The following PARP10 variants were observed in gnomAD, a reference collection of about 807,000 sequenced individuals.
The protein encoded by PARP10 is protein mono-ADP-ribosyltransferase PARP10.
PARP10 carries 56 observed loss-of-function variants against 82.4 expected under a neutral mutation model. The ratio of observed to expected loss-of-function variants is 0.68; its 90% confidence interval spans 0.55 to 0.85. The LOEUF (loss-of-function observed/expected upper bound fraction) is 0.85, where lower values mean the gene tolerates loss of function less well. Ranked by LOEUF, PARP10 falls within the 40% of genes least tolerant of loss-of-function variation. The pLI is 0.00. For missense variants in PARP10, 1,227 were observed against 1,379.4 expected (o/e 0.89, Z 1.75); for synonymous variants, 576 against 601.1 (o/e 0.96, Z 0.61).
intron 1 of PARP10, among the ~76,000 whole-genome samples, chr8:144,000,754 T>C (rs1834195861): frequency 6.6e-6 from 1 of 152,030 alleles, no homozygotes; most frequent in Non-Finnish European, 1.5e-5. Context: ...AGCAAAACAT[T>C]AGCAAATCAG....
chr8:143,998,069 A>G (rs1301984239), intron 1 of PARP10, among the ~76,000 whole-genome samples: 3 of 152,184 alleles, frequency 2.0e-5, no homozygotes, highest in African/African-American at 7.2e-5. Flanking sequence ...CTGGGATTAC[A>G]GATATGAGCC....
chr8:143,978,196 G>T, intron 9 of PARP10, 115 bp from the exon 10 acceptor site: 1 of 1,224,036 alleles, frequency 8.2e-7, no homozygotes, highest in Non-Finnish European at 1.1e-6. Context: ...CAGGGTTTGA[G>T]GGAGCCCTTG....
In PARP10 at chr8:143,984,666, T is replaced by C; in HGVS notation, c.1336A>G (p.Met446Val). ...KLAGQEGLVE[M>V]VLLMEPGAMR... Reference sequence around the variant, plus strand: ...GCCCCTGGCTCCATCAATAGCACCATCTCCACCAGGCCCTCCTGCCCTGCC... The same window carrying C: ...GCCCCTGGCTCCATCAATAGCACCACCTCCACCAGGCCCTCCTGCCCTGCC... The change falls in exon 5 of 11, where the codon ATG becomes GTG. Residue 446 changes from methionine (M) to valine (V), a missense_variant. Coordinates refer to ENST00000313028, the MANE Select transcript of PARP10 (RefSeq NM_032789.5). 1 of 1,613,920 alleles carries C rather than the reference T, an allele frequency of 6.2e-7. No individual in the cohort carries two copies. The highest frequency in any genetic ancestry group is 1.1e-5 in the South Asian group (1 of 91,086).
exon 1 of PARP10, chr8:144,012,731 G>C: frequency 6.4e-7 from 1 of 1,551,688 alleles, no homozygotes; most frequent in Non-Finnish European, 8.7e-7. Flanking sequence ...ACAATGGTAA[G>C]AGGCCTCGCT....
At chr8:143,987,610 G>C (rs537321431), upstream of PARP10, among the ~76,000 whole-genome samples, 1 of 152,168 alleles carries the variant, frequency 6.6e-6, no homozygotes, top group African/African-American at 2.4e-5. Context: ...AAAGTCCTGG[G>C]GGCCGGGCGC....
chr8:143,999,725 C>G (rs1554751558), intron 1 of PARP10, among the ~76,000 whole-genome samples: 5 of 151,384 alleles, frequency 3.3e-5, no homozygotes, highest in South Asian at 4.2e-4. Context: ...AGGTGTGAGT[C>G]ACTGCACTGG....
upstream of PARP10, chr8:143,989,503 G>GTAA (rs1377253023): frequency 6.6e-6 from 1 of 152,226 alleles, no homozygotes; most frequent in East Asian, 1.9e-4. This position sits in a 1 kb window ranked among gnomAD's most constrained non-coding sequence, Gnocchi z 4.3. Context: ...TGAGCTGATG[G>GTAA]ATACCCCATT....
chr8:143,992,485 A>C (rs1028443755), upstream of PARP10: 2 of 1,614,038 alleles, frequency 1.2e-6, no homozygotes, highest in African/African-American at 2.7e-5. Flanking sequence ...ACTTCACCTC[A>C]TGCATGGGCG....
chr8:143,981,015 G>A lies in PARP10; in HGVS notation c.2556+1917C>T, dbSNP rs72499138. 2.2e-4 allele frequency among the ~76,000 whole-genome samples: 33 copies of A among 150,938 alleles called. No homozygotes were observed. The East Asian group carries it at 5.8e-3, about 27-fold the overall frequency. ...GGCCCATTCTCCTCATCTTCCATGC[G>A]GGAAGGCAAGAAACAATCTCTAAAG... On this transcript the variant is annotated intron_variant, in intron 9 of 10. Coordinates refer to ENST00000313028, the MANE Select transcript of PARP10 (RefSeq NM_032789.5).
At chr8:143,979,249 A>G (rs1306601059) in intron 9 of PARP10, among the ~76,000 whole-genome samples, 1 of 152,186 alleles carries the variant, frequency 6.6e-6, no homozygotes, top group Admixed American at 6.5e-5. Context: ...CTGGGATTAC[A>G]GGCGTGAGCC....
At position 144,011,953 on chromosome 8, in the gene PARP10, A is replaced by T. The variant is rs1834288330; in HGVS notation, c.-80+577T>A. 6.6e-6 allele frequency among the ~76,000 whole-genome samples: 1 copy of T among 152,154 alleles called. No homozygotes were observed. The highest frequency in any genetic ancestry group is 2.1e-4 in the South Asian group (1 of 4,824). On this transcript the variant is annotated intron_variant, in intron 1 of 3. Coordinates refer to the PARP10 transcript ENST00000530478. The surrounding 1 kb of genome is among the most constrained non-coding windows in gnomAD (Gnocchi z 4.5). Reference sequence around the variant, plus strand: ...GAGGCCAAACCCAGGCATGTTCAAGATCACCAAGAAGGGGCATCCTGGCCA... The same window carrying T: ...GAGGCCAAACCCAGGCATGTTCAAGTTCACCAAGAAGGGGCATCCTGGCCA...
upstream of PARP10, among the ~76,000 whole-genome samples, chr8:143,987,896 A>AT (rs56733894): frequency 6.6e-6 from 1 of 151,374 alleles, no homozygotes; most frequent in Non-Finnish European, 1.5e-5. Context: ...GTCTAAAAAA[A>AT]AAACAAAAAC....
intron 1 of PARP10, among the ~76,000 whole-genome samples, chr8:144,001,368 A>G (rs575815824): frequency 1.1e-4 from 16 of 152,286 alleles, no homozygotes; most frequent in African/African-American, 3.8e-4. Context: ...TACAGGCGTG[A>G]GACACAGTGC....
chr8:143,986,602 G>A, upstream of PARP10: 1 of 631,450 alleles, frequency 1.6e-6, no homozygotes, highest in South Asian at 2.0e-5. Flanking sequence ...GACCCCTCAG[G>A]ACCCTCCAGC....
rs782449748 is a variant in PARP10, at chr8:143,978,000, G to C, written c.2638C>G (p.Pro880Ala). ...CCGTGGTACAGCACCTGCTCCACCG[G>C]GCGCCGCTCGCATCGCTGCAGCAGG... ...ERLLQRCERR[P>A]VEQVLYHGTT... is the part of the protein sequence containing the mutation. The change falls in exon 10 of 11, where the codon CCG becomes GCG. Residue 880 changes from proline (P) to alanine (A), a missense_variant. Pro to Ala is a conservative substitution (Grantham distance 27, BLOSUM62 -1). Transcript: ENST00000313028. 1 of 1,590,824 alleles carries C rather than the reference G, an allele frequency of 6.3e-7. No individual in the cohort carries two copies. Among genetic ancestry groups the C allele is most frequent in the Non-Finnish European group, 8.5e-7 (1 of 1,174,800 alleles).
rs141675199 is a variant in PARP10 at position 144,009,808 on chromosome 8, C to T, written c.-80+2722G>A. On this transcript the variant is annotated intron_variant, in intron 1 of 3. Coordinates refer to the PARP10 transcript ENST00000530478. ...CTGCCCTCGTTCTCGCCTTCATCCT[C>T]ACATCCAAGCCAACTCCAAGACCAG... Among the ~76,000 whole-genome samples the T allele has an allele frequency of 2.6e-3, 396 of 152,336 alleles. 5 individuals are homozygous for T. The highest frequency in any genetic ancestry group is 3.1e-3 in the Non-Finnish European group (213 of 68,032).
intron 9 of PARP10, 91 bp from the exon 10 acceptor site, chr8:143,978,172 CTGTTGGAG>C (rs1390415775): frequency 1.7e-5 from 23 of 1,383,294 alleles, no homozygotes; most frequent in Middle Eastern, 2.6e-4. Context: ...CAGGAGCCCT[CTGTTGGAG>C]GAGTCCAGGG....
In PARP10 at chr8:143,977,754, G is replaced by A; in HGVS notation, c.2808C>T (p.Asn936=). Residue 936 remains asparagine, a synonymous_variant, in exon 11 of 11, where the codon AAC becomes AAT. Transcript: ENST00000313028. ...LSVQDRYSPP[N]ADGHKAVFVA... is the part of the protein sequence containing the mutation. ...CGAACACCGCCTTATGGCCATCGGC[G>A]TTGGGGGGCGAGTAGCGGTCCTGCA... The A allele has an allele frequency of 6.2e-7, 1 of 1,603,956 alleles. No homozygotes were observed. The highest frequency in any genetic ancestry group is 8.5e-7 in the Non-Finnish European group (1 of 1,175,998).
At chr8:144,012,132 C>T (rs1170541901) in intron 1 of PARP10, among the ~76,000 whole-genome samples, 2 of 152,200 alleles carry the variant, frequency 1.3e-5, no homozygotes, top group Non-Finnish European at 2.9e-5. Flanking sequence ...GGAGCTAGCA[C>T]GGAACTGGAA....
Sources: allele counts gnomAD v4.1 joint callset (sites outside exome capture counted in the v4.1 genomes callset), GRCh38; gene constraint gnomAD v4.1.1; non-coding constraint Gnocchi (gnomAD v3.1); transcripts MANE v1.5; gene names NCBI Gene and HGNC (gene_info 2026-07-23, HGNC 2026-07-21).